The following NPAS3 variants were observed in gnomAD, a reference collection of about 807,000 sequenced individuals.
NPAS3 encodes the protein neuronal PAS domain protein 3.
In NPAS3, 14 loss-of-function variants were observed where a neutral mutation model predicts 73.1. The observed-to-expected ratio is 0.19, with a 90% CI of 0.13 to 0.30. The LOEUF is 0.30. Ranked by LOEUF, NPAS3 falls within the 10% of genes least tolerant of loss-of-function variation. NPAS3 has a pLI of 1.00. For missense variants in NPAS3, 1,096 were observed against 1,250.0 expected (o/e 0.88, Z 1.86); for synonymous variants, 620 against 541.5 (o/e 1.14, Z -2.01).
chr14:33,619,138 A>C (rs2058008397), intron 5 of NPAS3, among the ~76,000 whole-genome samples: 1 of 152,216 alleles, frequency 6.6e-6, no homozygotes, highest in Non-Finnish European at 1.5e-5. Flanking sequence ...TTGAGATAGA[A>C]GTTCTTTAGC....
intron 5 of NPAS3, among the ~76,000 whole-genome samples, chr14:33,640,525 G>GA (rs994023409): frequency 1.6e-4 from 24 of 151,942 alleles, no homozygotes; most frequent in African/African-American, 2.9e-4. Flanking sequence ...GTTTCCAGAA[G>GA]AAAAAAAACT....
intron 3 of NPAS3, among the ~76,000 whole-genome samples, chr14:33,284,801 TATCTATC>T (rs1460657118): frequency 6.9e-6 from 1 of 144,176 alleles, no homozygotes; most frequent in Non-Finnish European, 1.5e-5. Flanking sequence ...TCTATCTATC[TATCTATC>T]TATCTATATA....
chr14:33,658,042 C>T (rs1567096565), intron 5 of NPAS3, among the ~76,000 whole-genome samples: 2 of 152,380 alleles, frequency 1.3e-5, no homozygotes, highest in South Asian at 4.1e-4. Context: ...GGGCAGCAAG[C>T]CTTGCCCAAG....
chr14:33,350,567 G>A (rs1299227605), intron 3 of NPAS3, among the ~76,000 whole-genome samples: 7 of 152,180 alleles, frequency 4.6e-5, no homozygotes, highest in East Asian at 1.9e-4. Context: ...AAGGGATCAC[G>A]CCTCTAAGAA....
intron 2 of NPAS3, among the ~76,000 whole-genome samples, chr14:33,176,121 A>C (rs556104692): frequency 1.1e-4 from 17 of 152,336 alleles, no homozygotes; most frequent in African/African-American, 4.1e-4. Context: ...TTTATACACT[A>C]TTAGTGAAGT....
At chr14:33,216,712 A>G (rs1244772122) in intron 3 of NPAS3, among the ~76,000 whole-genome samples, 1 of 152,114 alleles carries the variant, frequency 6.6e-6, no homozygotes, top group African/African-American at 2.4e-5. Context: ...CAATAAAACT[A>G]TATTTACAAA....
intron 5 of NPAS3, among the ~76,000 whole-genome samples, chr14:33,613,077 G>T (rs1413893249): frequency 6.6e-6 from 1 of 152,168 alleles, no homozygotes; most frequent in Non-Finnish European, 1.5e-5. Context: ...AATTCAACAT[G>T]TATTTCAATG....
intron 4 of NPAS3, among the ~76,000 whole-genome samples, chr14:33,466,076 C>T (rs779542521): frequency 1.4e-4 from 22 of 152,096 alleles, no homozygotes; most frequent in East Asian, 3.9e-4. Context: ...AATGAGCATG[C>T]GCTTGAGCTT....
intron 5 of NPAS3, chr14:33,612,416 G>A (rs1260435699): frequency 2.2e-6 from 1 of 456,020 alleles, no homozygotes; most frequent in Non-Finnish European, 4.4e-6. Flanking sequence ...CACAGACACT[G>A]TGTTCACCTC....
intron 4 of NPAS3, among the ~76,000 whole-genome samples, chr14:33,463,638 C>T (rs1594954701): frequency 6.6e-6 from 1 of 152,272 alleles, no homozygotes; most frequent in East Asian, 1.9e-4. Context: ...ATTCATGCAT[C>T]ATTGGTATTA....
chr14:33,488,702 G>GTT (rs2051736744), intron 4 of NPAS3, among the ~76,000 whole-genome samples: 1 of 152,156 alleles, frequency 6.6e-6, no homozygotes, highest in Admixed American at 6.5e-5. Flanking sequence ...TGAGTTGGAT[G>GTT]TTAGCCTGAG....
intron 1 of NPAS3, among the ~76,000 whole-genome samples, chr14:32,944,061 C>A (rs1343758116): frequency 1.3e-5 from 2 of 152,202 alleles, no homozygotes; most frequent in Admixed American, 1.3e-4. Context: ...CCTCTACTAA[C>A]TTCCTTAAGT....
intron 7 of NPAS3, among the ~76,000 whole-genome samples, chr14:33,735,994 T>A (rs1196442705): frequency 6.6e-6 from 1 of 152,218 alleles, no homozygotes; most frequent in African/African-American, 2.4e-5. Context: ...TTTCAGTTAC[T>A]ATAGCAACGT....
chr14:33,048,677 A>C (rs1022907394), intron 1 of NPAS3, among the ~76,000 whole-genome samples: 8 of 152,184 alleles, frequency 5.3e-5, no homozygotes, highest in Admixed American at 4.6e-4. Context: ...GCATAATTTC[A>C]TCAACCACTT....
At chr14:33,764,450 G>A (rs963392820) in intron 7 of NPAS3, among the ~76,000 whole-genome samples, 1 of 152,164 alleles carries the variant, frequency 6.6e-6, no homozygotes, top group Non-Finnish European at 1.5e-5. Flanking sequence ...AAATATTTAC[G>A]TAATTTCTTT....
intron 4 of NPAS3, among the ~76,000 whole-genome samples, chr14:33,384,894 G>T (rs2046711289): frequency 6.6e-6 from 1 of 152,098 alleles, no homozygotes; most frequent in African/African-American, 2.4e-5. Flanking sequence ...TTTTCTCCCA[G>T]TTCTTTACCA....
At chr14:33,397,711 G>T (rs931203446) in intron 4 of NPAS3, among the ~76,000 whole-genome samples, 1 of 152,108 alleles carries the variant, frequency 6.6e-6, no homozygotes, top group Non-Finnish European at 1.5e-5. Flanking sequence ...TGAGAAAACC[G>T]ATGTATGGAA....
chr14:33,794,889 C>T (rs1403342166), intron 10 of NPAS3, among the ~76,000 whole-genome samples: 1 of 152,164 alleles, frequency 6.6e-6, no homozygotes, highest in Non-Finnish European at 1.5e-5. Flanking sequence ...GGCTCCCTCC[C>T]ACCCCCATCA....
chr14:33,381,214 C>T (rs933121582), intron 4 of NPAS3, among the ~76,000 whole-genome samples: 3 of 152,162 alleles, frequency 2.0e-5, no homozygotes, highest in Non-Finnish European at 4.4e-5. Context: ...CTCTTGAGAT[C>T]ACATTTAGGT....
Sources: gnomAD v4.1 joint callset for allele counts (sites outside exome capture counted in the v4.1 genomes callset) on GRCh38, gnomAD v4.1.1 for gene constraint, MANE v1.5 for transcripts, NCBI Gene and HGNC (gene_info 2026-07-23, HGNC 2026-07-21) for gene names.